Variants in ATP11A observed in about 807,000 individuals in gnomAD.
The protein encoded by ATP11A is phospholipid-transporting ATPase IH.
In ATP11A, 81 loss-of-function variants were observed where a neutral mutation model predicts 154.4. The ratio of observed to expected loss-of-function variants is 0.52; its 90% CI spans 0.44 to 0.63. The LOEUF is 0.63. ATP11A is among the 30% of genes least tolerant of loss of function. The probability of loss-of-function intolerance (pLI) is 0.00; values close to 1 mark genes in which losing one functional copy is unlikely to be tolerated. For missense variants in ATP11A, 1,316 were observed against 1,474.3 expected, an observed-to-expected ratio of 0.89 and a Z score of 1.76; for synonymous variants, 623 against 585.9, an observed-to-expected ratio of 1.06 and a Z score of -0.91.
chr13:112,814,684 T>C (rs1218808319), intron 5 of ATP11A, among the ~76,000 whole-genome samples: 1 of 152,204 alleles, frequency 6.6e-6, no homozygotes, highest in East Asian at 1.9e-4. Flanking sequence ...TGGGTCTGTT[T>C]CTGGTTCCCT....
rs925060662 is a variant in ATP11A at position 112,697,187 on chromosome 13, G to A, written c.39+6732G>A. ...GCGTCCTGCGGGCTGGCCGCCCCTC[G>A]GTGGGCTCCGGTGCTGGCCTCTGCC... On this transcript the variant is annotated intron_variant, in intron 1 of 29. Transcript: ENST00000375645. The surrounding 1 kb of genome is among the most constrained non-coding windows in gnomAD (Gnocchi z 4.0). Among the ~76,000 whole-genome samples, 13 of 152,168 alleles carry A rather than the reference G, an allele frequency of 8.5e-5. No homozygotes were observed. The highest frequency in any genetic ancestry group is 1.9e-4 in the East Asian group (1 of 5,182).
intron 1 of ATP11A, among the ~76,000 whole-genome samples, chr13:112,704,271 G>A (rs185395147): frequency 2.6e-5 from 4 of 152,200 alleles, no homozygotes; most frequent in Admixed American, 2.0e-4. Context: ...CCCAGTTGTT[G>A]TACGCACAAC....
chr13:112,744,604 G>A (rs1204430460), intron 1 of ATP11A, among the ~76,000 whole-genome samples: 3 of 152,184 alleles, frequency 2.0e-5, no homozygotes, highest in Non-Finnish European at 4.4e-5. Context: ...CGGGTGAGCC[G>A]CTGCACTTCT....
At chr13:112,771,446 G>T (rs112582660) in intron 1 of ATP11A, among the ~76,000 whole-genome samples, 1 of 152,134 alleles carries the variant, frequency 6.6e-6, no homozygotes, top group Admixed American at 6.5e-5. Flanking sequence ...TAAATCCGGA[G>T]GACACAGCTG....
At chr13:112,798,668 T>G (rs1343937435) in intron 2 of ATP11A, among the ~76,000 whole-genome samples, 1 of 152,142 alleles carries the variant, frequency 6.6e-6, no homozygotes, top group Non-Finnish European at 1.5e-5. Flanking sequence ...AAAAAATAAG[T>G]ATAGTTGATA....
At chr13:112,879,705 G>A (rs1261048436) in intron 29 of ATP11A, among the ~76,000 whole-genome samples, 1 of 152,200 alleles carries the variant, frequency 6.6e-6, no homozygotes, top group Admixed American at 6.5e-5. Flanking sequence ...CATGCCCGGC[G>A]CACACGGGAA....
chr13:112,832,616 C>T (rs548432634), intron 13 of ATP11A, among the ~76,000 whole-genome samples: 6 of 152,312 alleles, frequency 3.9e-5, no homozygotes, highest in East Asian at 3.9e-4. Flanking sequence ...CTAGAAGTGT[C>T]GGTGCTGAAC....
intron 5 of ATP11A, among the ~76,000 whole-genome samples, chr13:112,814,648 G>C (rs745307471): frequency 1.1e-4 from 16 of 152,126 alleles, no homozygotes; most frequent in Admixed American, 5.9e-4. Context: ...CTTGTACTCT[G>C]TCCCAGTCAG....
intron 4 of ATP11A, among the ~76,000 whole-genome samples, chr13:112,808,568 C>A (rs949550751): frequency 1.3e-5 from 2 of 151,724 alleles, no homozygotes; most frequent in African/African-American, 4.8e-5. Context: ...CAAATGGCCT[C>A]CCCACACTGT....
In ATP11A at chr13:112,774,921, C is replaced by A. The variant is rs116204269; in HGVS notation, c.40-10214C>A. Among the ~76,000 whole-genome samples, 661 of 151,646 alleles carry A rather than the reference C, an allele frequency of 4.4e-3. 5 individuals are homozygous for A. The highest frequency in any genetic ancestry group is 0.015 in the African/African-American group (622 of 41,434). ...GGCTGTGTGTCTGAGCAGCTCCTCC[C>A]ACCTTCCCCCGTCACGGGAGCCGCA... On this transcript the variant is annotated intron_variant, in intron 1 of 29. Transcript: ENST00000375645.
In ATP11A at chr13:112,765,982, A is replaced by C. The variant is rs926620716; in HGVS notation, c.40-19153A>C. On this transcript the variant is annotated intron_variant, in intron 1 of 29. Transcript: ENST00000375645. Reference sequence around the variant, plus strand: ...GTTGATCCTTTAACTGACCATGGGCAGTTTTAGTTCACGAGTGTGGATTCT... The same window carrying C: ...GTTGATCCTTTAACTGACCATGGGCCGTTTTAGTTCACGAGTGTGGATTCT... 4.3e-4 allele frequency among the ~76,000 whole-genome samples: 66 copies of C among 152,226 alleles called. 1 individual carries two copies. Among genetic ancestry groups the C allele is most frequent in the Non-Finnish European group, 8.1e-4 (55 of 68,038 alleles).
At chr13:112,864,428 C>T (rs1359765831) in intron 25 of ATP11A, among the ~76,000 whole-genome samples, 1 of 102,880 alleles carries the variant, frequency 9.7e-6, no homozygotes, top group Non-Finnish European at 2.1e-5. Flanking sequence ...GGATCCATCA[C>T]CACATGGGCA....
chr13:112,789,102 C>T lies in ATP11A; in HGVS notation c.162+3845C>T, dbSNP rs571231920. On this transcript the variant is annotated intron_variant, in intron 2 of 29. Coordinates refer to ENST00000375645, the MANE Select transcript of ATP11A (RefSeq NM_015205.3). ...CTGTGTAGACCTACTTAATTCACAC[C>T]GGGTGTCCTGATGTATAGACCCTTG... 8.6e-5 allele frequency among the ~76,000 whole-genome samples: 13 copies of T among 151,970 alleles called. No homozygotes were observed. The East Asian group carries it at 1.2e-3, about 14-fold the overall frequency.
At chr13:112,806,907 G>A (rs1222501968) in intron 4 of ATP11A, among the ~76,000 whole-genome samples, 1 of 152,154 alleles carries the variant, frequency 6.6e-6, no homozygotes, top group Admixed American at 6.5e-5. Flanking sequence ...TTTGTGACTG[G>A]CTCTTTCACT....
At chr13:112,833,103 T>G (rs2079142402) in intron 14 of ATP11A, 80 bp downstream of exon 14, 1 of 1,532,582 alleles carries the variant, frequency 6.5e-7, no homozygotes, top group East Asian at 2.3e-5. Context: ...GATTTGCACC[T>G]AGAGGCGTCC....
intron 1 of ATP11A, among the ~76,000 whole-genome samples, chr13:112,726,695 A>T (rs1261562759): frequency 6.6e-6 from 1 of 152,216 alleles, no homozygotes; most frequent in African/African-American, 2.4e-5. Flanking sequence ...AAAAAAGTCC[A>T]TTGCTTTTGC....
rs146885316 is a variant in ATP11A, at chr13:112,836,289, G to T, written c.1705+38G>T. On this transcript the variant is annotated intron_variant, in intron 16 of 29. Transcript: ENST00000375645. ...TTTCTTTTGATTTATTAAGTTATAC[G>T]TGGTGGTTGTGTTTTATTCTGATGA... 2.3e-5 allele frequency: 31 copies of T among 1,328,818 alleles called. No individual in the cohort carries two copies. The African/African-American group carries it at 3.2e-4, about 14-fold the overall frequency. 82.3% of individuals were successfully genotyped at this position (1,328,818 alleles called of 1,614,324 possible). A position where few individuals can be genotyped will look rare whatever the true frequency, so the allele number is the denominator to read the frequency against.
chr13:112,771,996 A>C (rs1308775048), intron 1 of ATP11A, among the ~76,000 whole-genome samples: 2 of 152,188 alleles, frequency 1.3e-5, no homozygotes, highest in African/African-American at 2.4e-5. Context: ...GGCAGATGCC[A>C]AGTTCTTATC....
At chr13:112,808,192 C>T (rs962919444) in intron 4 of ATP11A, among the ~76,000 whole-genome samples, 2 of 152,122 alleles carry the variant, frequency 1.3e-5, no homozygotes, top group East Asian at 3.9e-4. Flanking sequence ...GGCTGTGCCC[C>T]ATCCCTGGCT....
Sources: allele counts gnomAD v4.1 joint callset (sites outside exome capture counted in the v4.1 genomes callset), GRCh38; gene constraint gnomAD v4.1.1; non-coding constraint Gnocchi (gnomAD v3.1); transcripts MANE v1.5; gene names NCBI Gene and HGNC (gene_info 2026-07-23, HGNC 2026-07-21).